BTAF1: variants seen among roughly 807,000 people sequenced by gnomAD.
BTAF1 encodes B-TFIID TATA-box binding protein associated factor 1.
Under a neutral mutation model 227.1 loss-of-function variants are expected in BTAF1, and 38 were observed. That is an observed-to-expected ratio of 0.17 (90% CI 0.13 to 0.22). The LOEUF (loss-of-function observed/expected upper bound fraction) is 0.22. Ranked by LOEUF, BTAF1 falls within the 10% of genes least tolerant of loss-of-function variation. BTAF1 has a pLI of 1.00. For synonymous variants in BTAF1, 742 were observed against 751.9 expected (o/e 0.99, Z 0.21); for missense variants, 1,598 against 2,204.0 (o/e 0.73, Z 5.51).
Position 91,993,645 on chromosome 10 carries a change from A to G in BTAF1, c.3046-49A>G, listed in dbSNP as rs546061136. The G allele has an allele frequency of 1.2e-5, 16 of 1,317,696 alleles. No homozygotes were observed. In the Admixed American group the frequency reaches 3.4e-4, roughly 28 times the overall value. The allele number at this position is 1,317,696 out of a possible 1,614,324, so 81.6% of individuals were successfully genotyped here. On this transcript the variant is annotated intron_variant, in intron 21 of 37. Transcript: ENST00000265990. Reference sequence around the variant, plus strand: ...ATTCTTTTGTTAAAATTTTAAATGTATTATGATTTTTTCTGAAATTCTGTT... The same window carrying G: ...ATTCTTTTGTTAAAATTTTAAATGTGTTATGATTTTTTCTGAAATTCTGTT...
At chr10:91,945,205 G>A (rs141766755) in intron 4 of BTAF1, among the ~76,000 whole-genome samples, 6 of 151,726 alleles carry the variant, frequency 4.0e-5, no homozygotes, top group Admixed American at 3.9e-4. Flanking sequence ...ATATTTTCAA[G>A]GTTCATCTAT....
chr10:92,001,405 T>A (rs1409056432), intron 25 of BTAF1, among the ~76,000 whole-genome samples: 1 of 152,104 alleles, frequency 6.6e-6, no homozygotes, highest in Non-Finnish European at 1.5e-5. Flanking sequence ...GGTGGAGCAA[T>A]TTCCAGACCT....
At position 91,982,076 on chromosome 10, in the gene BTAF1, T is replaced by G. The variant is rs752093984; in HGVS notation, c.1906-7T>G. On this transcript the variant is annotated splice_polypyrimidine_tract_variant and splice_region_variant and intron_variant, in intron 16 of 37. Coordinates refer to ENST00000265990, the MANE Select transcript of BTAF1 (RefSeq NM_003972.3). ...CTTTATTGTTTTTTTTTCCCCTCCC[T>G]CTGTAGGAAAAAACAGGTGGTAAGG... 6.2e-7 allele frequency: 1 copy of G among 1,607,348 alleles called. No individual in the cohort carries two copies. The highest frequency in any genetic ancestry group is 1.7e-5 in the Admixed American group (1 of 59,108).
At chr10:91,930,616 T>G (rs986387557) in intron 1 of BTAF1, among the ~76,000 whole-genome samples, 1 of 152,218 alleles carries the variant, frequency 6.6e-6, no homozygotes, top group African/African-American at 2.4e-5. Flanking sequence ...AGAAAGTATA[T>G]GTTTAAAAAC....
At chr10:91,944,529 A>G (rs1038305759) in intron 4 of BTAF1, among the ~76,000 whole-genome samples, 1 of 152,198 alleles carries the variant, frequency 6.6e-6, no homozygotes, top group African/African-American at 2.4e-5. Flanking sequence ...GGGTAGACCA[A>G]TCTTTAAAAA....
At chr10:91,934,528 C>T (rs1447054165) in intron 1 of BTAF1, among the ~76,000 whole-genome samples, 2 of 152,138 alleles carry the variant, frequency 1.3e-5, no homozygotes, top group African/African-American at 4.8e-5. Flanking sequence ...TGACCACGCC[C>T]AGCTGAGTTT....
chr10:91,995,448 G>A (rs540828883), intron 23 of BTAF1, among the ~76,000 whole-genome samples: 1 of 151,906 alleles, frequency 6.6e-6, no homozygotes, highest in South Asian at 2.1e-4. Flanking sequence ...AGGCCGAGGT[G>A]GGTGAATCAC....
intron 1 of BTAF1, among the ~76,000 whole-genome samples, chr10:91,929,643 T>C (rs997465364): frequency 1.3e-5 from 2 of 152,210 alleles, no homozygotes; most frequent in Non-Finnish European, 2.9e-5. Context: ...AAAATGTTAA[T>C]GTAGAAAAAA....
chr10:92,001,167 G>A (rs1849501675), intron 25 of BTAF1, among the ~76,000 whole-genome samples: 1 of 152,216 alleles, frequency 6.6e-6, no homozygotes. Context: ...ATAGCACAGA[G>A]AAGGGAAACC....
At chr10:91,933,659 AG>A (rs1374826639) in intron 1 of BTAF1, among the ~76,000 whole-genome samples, 1 of 152,240 alleles carries the variant, frequency 6.6e-6, no homozygotes, top group Admixed American at 6.5e-5. Context: ...TTGGAGCCTA[AG>A]AGTTCATTGG....
At chr10:92,022,905 A>C (rs961719123) in intron 34 of BTAF1, among the ~76,000 whole-genome samples, 1 of 152,166 alleles carries the variant, frequency 6.6e-6, no homozygotes, top group Non-Finnish European at 1.5e-5. Context: ...ATTCTACTAT[A>C]TAATAAAAAT....
intron 14 of BTAF1, among the ~76,000 whole-genome samples, chr10:91,974,609 T>C (rs1267933503): frequency 6.6e-6 from 1 of 152,166 alleles, no homozygotes; most frequent in African/African-American, 2.4e-5. Context: ...CCCAGGACTT[T>C]GGGAGGCCAG....
At position 91,964,193 on chromosome 10, in the gene BTAF1, A is replaced by G. The variant is rs771687221; in HGVS notation, c.1521A>G (p.Gln507=). The part of the protein sequence containing the change: ...LSSLLTYPQV[Q]QCSIQQSLTV... The stretch of plus-strand genomic sequence containing the variant: ...CCTTGTTAACTTACCCTCAGGTCCA[A>G]CAATGCAGGTAATTATTTCTAATTA... The change falls in exon 13 of 38, where the codon CAA becomes CAG. Residue 507 remains glutamine, a synonymous_variant. Transcript: ENST00000265990. The G allele has an allele frequency of 6.2e-7, 1 of 1,612,010 alleles. No individual in the cohort carries two copies. Among genetic ancestry groups the G allele is most frequent in the South Asian group, 1.1e-5 (1 of 90,910 alleles).
chr10:92,016,277 A>T, intron 32 of BTAF1, 63 bp from the exon 33 acceptor site: 3 of 1,542,372 alleles, frequency 1.9e-6, no homozygotes, highest in Non-Finnish European at 2.6e-6. Context: ...TTTGCTGGTT[A>T]TGTGTTTTGA....
chr10:91,949,977 A>T (rs1436122650), intron 4 of BTAF1, among the ~76,000 whole-genome samples: 1 of 152,046 alleles, frequency 6.6e-6, no homozygotes, highest in East Asian at 1.9e-4. Context: ...CTCTAAAATT[A>T]AAAATTAAAA....
intron 34 of BTAF1, among the ~76,000 whole-genome samples, chr10:92,023,288 T>A (rs1474276166): frequency 6.6e-6 from 1 of 152,196 alleles, no homozygotes; most frequent in African/African-American, 2.4e-5. Context: ...GTGTTTTACA[T>A]TGAGTTTGGA....
chr10:91,992,205 T>C lies in BTAF1; in HGVS notation c.2941T>C (p.Phe981Leu), dbSNP rs1380217785. 1 of 1,614,030 alleles carries C rather than the reference T, an allele frequency of 6.2e-7. No homozygotes were observed. Among genetic ancestry groups the C allele is most frequent in the Non-Finnish European group, 8.5e-7 (1 of 1,179,978 alleles). Residue 981 changes from phenylalanine to leucine, a missense_variant, in exon 21 of 38, where the codon TTT becomes CTT. Phe to Leu is a conservative substitution (Grantham distance 22, BLOSUM62 0). This residue lies in a region of BTAF1 where 425 missense variants were observed against 491.2 expected (regional missense o/e 0.87). Transcript: ENST00000265990. ...ACTCTACAGGCACCAGAAAGCTGCC[T>C]TTGCTATCACAAGTAGGCGAGGTCC... Reference protein sequence around the residue: ...ITLYRHQKAAFAITSRRGPTP... With the variant: ...ITLYRHQKAALAITSRRGPTP...
intron 19 of BTAF1, among the ~76,000 whole-genome samples, chr10:91,988,267 A>G (rs549450974): frequency 4.6e-5 from 7 of 152,312 alleles, no homozygotes; most frequent in East Asian, 3.9e-4. Flanking sequence ...CTTTTAATAA[A>G]TATTGGTTGA....
chr10:91,971,069 T>TATTC (rs1347779640), intron 14 of BTAF1, among the ~76,000 whole-genome samples: 1 of 152,248 alleles, frequency 6.6e-6, no homozygotes, highest in Non-Finnish European at 1.5e-5. Flanking sequence ...TTCTTCCAGT[T>TATTC]ATTCTGACAT....
Sources: gnomAD v4.1 joint callset for allele counts (sites outside exome capture counted in the v4.1 genomes callset) on GRCh38, gnomAD v4.1.1 for gene constraint, gnomAD v4.1.1 regional missense constraint, MANE v1.5 for transcripts, NCBI Gene and HGNC (gene_info 2026-07-23, HGNC 2026-07-21) for gene names.